Variants in PLCH1 observed in about 807,000 individuals in gnomAD.
PLCH1 encodes phospholipase C eta 1.
Under a neutral mutation model 126.7 loss-of-function variants are expected in PLCH1, and 60 were observed. That is an observed-to-expected ratio of 0.47 (90% CI 0.38 to 0.59). The LOEUF is 0.59. Ranked by LOEUF, PLCH1 falls within the 20% of genes least tolerant of loss-of-function variation. The pLI is 0.00. For missense variants in PLCH1, 1,723 were observed against 2,040.0 expected (o/e 0.84, Z 2.99); for synonymous variants, 719 against 734.9 (o/e 0.98, Z 0.35).
intron 7 of PLCH1, among the ~76,000 whole-genome samples, chr3:155,565,620 C>T (rs1396281708): frequency 6.6e-6 from 1 of 151,960 alleles, no homozygotes; most frequent in African/African-American, 2.4e-5. Flanking sequence ...AGAATGTGAG[C>T]CAATTAAAAC....
chr3:155,590,748 TCAAA>T (rs750341381), intron 4 of PLCH1, among the ~76,000 whole-genome samples: 27 of 152,048 alleles, frequency 1.8e-4, no homozygotes, highest in Non-Finnish European at 1.9e-4. Context: ...AGACTCCGCC[TCAAA>T]CAAACAAACA....
At chr3:155,682,347 T>C (rs1053796175) in intron 2 of PLCH1, among the ~76,000 whole-genome samples, 1 of 152,218 alleles carries the variant, frequency 6.6e-6, no homozygotes, top group African/African-American at 2.4e-5. Context: ...CCCATCAGGA[T>C]TGCTTCAGAA....
chr3:155,493,618 T>G (rs1467870568), intron 17 of PLCH1, among the ~76,000 whole-genome samples: 4 of 152,192 alleles, frequency 2.6e-5, no homozygotes, highest in Non-Finnish European at 5.9e-5. Context: ...ACTCCTGACC[T>G]CAGGTGATCC....
At chr3:155,453,194 A>C (rs1449957764) in intron 21 of PLCH1, among the ~76,000 whole-genome samples, 3 of 152,330 alleles carry the variant, frequency 2.0e-5, no homozygotes, top group Admixed American at 6.5e-5. Flanking sequence ...AAGACCATGA[A>C]AGACAAAGGC....
At chr3:155,493,628 C>T (rs1052166422) in intron 17 of PLCH1, among the ~76,000 whole-genome samples, 4 of 152,210 alleles carry the variant, frequency 2.6e-5, no homozygotes, top group South Asian at 2.1e-4. Flanking sequence ...TCAGGTGATC[C>T]GCCCACCTTG....
Position 155,482,281 on chromosome 3 carries a change from C to T in PLCH1, c.3745G>A (p.Glu1249Lys). The change falls in exon 23 of 23, where the codon GAG (glutamate) becomes AAG (lysine). Residue 1249 changes from glutamate (E) to lysine (K), a missense_variant. Around this residue, in one of 2 missense-constraint regions of PLCH1, gnomAD observed 947 missense variants for 977.1 expected, o/e 0.97. Transcript: ENST00000460012. ...TCAGAACTCGAGAGTGCTATCAGCT[C>T]CGGAGATGAGCACAGGAAGGAAGAC... ...SKSSFLCSSP[E>K]LIALSSSETT... The T allele has an allele frequency of 6.2e-7, 1 of 1,614,136 alleles. No individual in the cohort carries two copies. The highest frequency in any genetic ancestry group is 8.5e-7 in the Non-Finnish European group (1 of 1,180,032).
At chr3:155,739,265 T>C (rs997435751) in intron 1 of PLCH1, among the ~76,000 whole-genome samples, 1 of 152,164 alleles carries the variant, frequency 6.6e-6, no homozygotes, top group Non-Finnish European at 1.5e-5. Context: ...CTATCAATAC[T>C]ACCTCAAGAA....
At chr3:155,571,897 A>G (rs1729279923) in intron 6 of PLCH1, among the ~76,000 whole-genome samples, 1 of 152,224 alleles carries the variant, frequency 6.6e-6, no homozygotes, top group African/African-American at 2.4e-5. Context: ...TGTTTAAATT[A>G]TTCCAAGTAT....
At chr3:155,491,923 C>G (rs941402630) in intron 18 of PLCH1, among the ~76,000 whole-genome samples, 3 of 152,162 alleles carry the variant, frequency 2.0e-5, no homozygotes, top group African/African-American at 7.2e-5. Flanking sequence ...CATCTGTAGA[C>G]TCTCCTTTCT....
At chr3:155,650,471 C>A (rs532357005) in intron 2 of PLCH1, among the ~76,000 whole-genome samples, 7 of 152,030 alleles carry the variant, frequency 4.6e-5, no homozygotes, top group Admixed American at 1.3e-4. Flanking sequence ...CCAGAGGCCT[C>A]TCAAAGAAAA....
intron 12 of PLCH1, among the ~76,000 whole-genome samples, chr3:155,513,803 A>G (rs1719935185): frequency 6.6e-6 from 1 of 152,166 alleles, no homozygotes; most frequent in East Asian, 1.9e-4. Context: ...TCTCACTGGC[A>G]TTAGCAAGCC....
At chr3:155,499,473 T>C (rs1300245028) in intron 14 of PLCH1, among the ~76,000 whole-genome samples, 3 of 152,234 alleles carry the variant, frequency 2.0e-5, no homozygotes, top group East Asian at 1.9e-4. Flanking sequence ...TTCCGTGATA[T>C]GGAGAAATTC....
In PLCH1 at chr3:155,594,039, G is replaced by A; in HGVS notation, c.372C>T (p.Asn124=). The A allele has an allele frequency of 6.2e-7, 1 of 1,614,042 alleles. No homozygotes were observed. The highest frequency in any genetic ancestry group is 1.1e-5 in the South Asian group (1 of 91,076). ...HMESLDLITS[N]PEEARTWITG... ...TGATCCAGGTGCGGGCCTCCTCGGG[G>A]TTGGAGGTGATGAGGTCCAGGGACT... Residue 124 remains asparagine, a synonymous_variant, in exon 4 of 23, where the codon AAC becomes AAT. Coordinates refer to ENST00000460012, the MANE Select transcript of PLCH1 (RefSeq NM_014996.4).
intron 1 of PLCH1, among the ~76,000 whole-genome samples, chr3:155,712,787 C>CT (rs947827542): frequency 2.8e-4 from 41 of 147,574 alleles, no homozygotes; most frequent in Non-Finnish European, 3.5e-4. Context: ...AGAAGGGGCC[C>CT]TTTTTTTTTT....
intron 20 of PLCH1, 109 bp from the exon 21 acceptor site, chr3:155,488,216 G>A (rs1237536824): frequency 1.8e-6 from 1 of 563,854 alleles, no homozygotes; most frequent in Admixed American, 2.7e-5. Flanking sequence ...TTTTTTTTTT[G>A]AGACAGAGTG....
intron 2 of PLCH1, among the ~76,000 whole-genome samples, chr3:155,654,378 A>G (rs1405451528): frequency 2.0e-5 from 3 of 152,088 alleles, no homozygotes; most frequent in East Asian, 1.9e-4. Flanking sequence ...TCCCTAATGT[A>G]TATCTACAAA....
chr3:155,575,054 C>G (rs1184126213), intron 6 of PLCH1, among the ~76,000 whole-genome samples: 1 of 151,938 alleles, frequency 6.6e-6, no homozygotes, highest in Non-Finnish European at 1.5e-5. Flanking sequence ...TCGCTTGAAC[C>G]CAGCAGTCAG....
At chr3:155,697,354 G>C (rs1745901160) in intron 2 of PLCH1, among the ~76,000 whole-genome samples, 1 of 152,068 alleles carries the variant, frequency 6.6e-6, no homozygotes, top group Non-Finnish European at 1.5e-5. Flanking sequence ...TGGGGGGCCG[G>C]GATTCCATCC....
chr3:155,611,544 A>G (rs1735095217), intron 2 of PLCH1, among the ~76,000 whole-genome samples: 2 of 152,186 alleles, frequency 1.3e-5, no homozygotes, highest in South Asian at 4.1e-4. Context: ...GACTTAAGAA[A>G]CTGATGAACA....
Sources: gnomAD v4.1 joint callset for allele counts (sites outside exome capture counted in the v4.1 genomes callset) on GRCh38, gnomAD v4.1.1 for gene constraint, gnomAD v4.1.1 regional missense constraint, MANE v1.5 for transcripts, NCBI Gene and HGNC (gene_info 2026-07-23, HGNC 2026-07-21) for gene names.